Variants in CDC45 observed in about 807,000 individuals in gnomAD.
CDC45 encodes cell division control protein 45 homolog.
In CDC45, 54 loss-of-function variants were observed where a neutral mutation model predicts 77.8. The ratio of observed to expected loss-of-function variants is 0.69; its 90% confidence interval spans 0.56 to 0.87. The LOEUF (loss-of-function observed/expected upper bound fraction) is 0.87, where lower values mean the gene tolerates loss of function less well. CDC45 is among the 40% of genes least tolerant of loss of function. The pLI is 0.00. For synonymous variants in CDC45, 260 were observed against 272.1 expected (o/e 0.96, Z 0.44); for missense variants, 649 against 721.6 (o/e 0.90, Z 1.15).
Position 19,499,086 on chromosome 22 carries a change from C to G in CDC45, c.654-15C>G. 2 of 1,614,086 alleles carry G rather than the reference C, an allele frequency of 1.2e-6. No homozygotes were observed. Among genetic ancestry groups the G allele is most frequent in the Non-Finnish European group, 1.7e-6 (2 of 1,179,928 alleles). ...GTGGGCTATAGGCCGGCTCCACTGC[C>G]TTCTCTTCTTCCAGGTGGGCCATCG... On this transcript the variant is annotated splice_polypyrimidine_tract_variant and intron_variant, in intron 8 of 18. Transcript: ENST00000263201.
chr22:19,507,330 C>G (rs368887809), intron 10 of CDC45, 56 bp from the exon 11 acceptor site: 3 of 1,592,264 alleles, frequency 1.9e-6, no homozygotes, highest in Non-Finnish European at 2.6e-6. Context: ...GCTGGAGTTA[C>G]GAGAGTGCTC....
chr22:19,482,949 C>A, intron 4 of CDC45, 122 bp downstream of exon 4: 49 of 716,450 alleles, frequency 6.8e-5, no homozygotes, highest in Non-Finnish European at 1.0e-4. Flanking sequence ...AGCCTGAACA[C>A]AAGAACTTGG....
At chr22:19,508,168 T>G (rs1284706848) in intron 12 of CDC45, among the ~76,000 whole-genome samples, 2 of 152,170 alleles carry the variant, frequency 1.3e-5, no homozygotes, top group Non-Finnish European at 2.9e-5. Context: ...TCTGTTTCAC[T>G]GGAGACAGCA....
intron 5 of CDC45, among the ~76,000 whole-genome samples, chr22:19,490,505 G>C (rs1400973663): frequency 6.6e-6 from 1 of 152,060 alleles, no homozygotes; most frequent in Non-Finnish European, 1.5e-5. Flanking sequence ...CTCCTGAGTA[G>C]CTGGGACTAC....
At chr22:19,517,075 C>T (rs1053849214) in intron 17 of CDC45, among the ~76,000 whole-genome samples, 182 bp downstream of exon 17, 2 of 152,248 alleles carry the variant, frequency 1.3e-5, no homozygotes, top group Non-Finnish European at 2.9e-5. Flanking sequence ...GAACCTCAGG[C>T]CCCTGAGAGG....
intron 5 of CDC45, among the ~76,000 whole-genome samples, chr22:19,488,066 T>A (rs764057043): frequency 1.3e-5 from 2 of 152,244 alleles, no homozygotes; most frequent in Non-Finnish European, 2.9e-5. Flanking sequence ...TTATACTTAA[T>A]CTACAGGTGC....
chr22:19,507,072 G>A (rs929669545), intron 10 of CDC45, among the ~76,000 whole-genome samples: 2 of 152,200 alleles, frequency 1.3e-5, no homozygotes, highest in East Asian at 1.9e-4. Context: ...AGCTGGTGAC[G>A]CCCAGCCTCC....
At chr22:19,504,475 T>G (rs1443750563) in intron 9 of CDC45, among the ~76,000 whole-genome samples, 2 of 152,168 alleles carry the variant, frequency 1.3e-5, no homozygotes, top group African/African-American at 4.8e-5. Flanking sequence ...AATTTTGTAT[T>G]TGTAATAGAG....
At position 19,510,357 on chromosome 22, in the gene CDC45, C is replaced by T. The variant is rs374240309; in HGVS notation, c.1217+1666C>T. On this transcript the variant is annotated intron_variant, in intron 13 of 18. Transcript: ENST00000263201. ...GCATTTTTGTTGCCCCAGAGAGATC[C>T]TCCCAGCCTCTGGCAACCACCAGTC... 3.9e-5 allele frequency among the ~76,000 whole-genome samples: 6 copies of T among 152,254 alleles called. No homozygotes were observed. The East Asian group carries it at 9.7e-4, about 24-fold the overall frequency.
At chr22:19,519,986 C>T (rs569536276) in intron 18 of CDC45, among the ~76,000 whole-genome samples, 3 of 152,228 alleles carry the variant, frequency 2.0e-5, no homozygotes, top group African/African-American at 4.8e-5. Context: ...TCTCCTTAGA[C>T]GATGAGTGTG....
rs146970551 is a variant in CDC45 at position 19,519,855 on chromosome 22, C to T, written c.*2-626C>T. Among the ~76,000 whole-genome samples the T allele has an allele frequency of 6.9e-3, 1,042 of 152,094 alleles. 11 individuals carry two copies. Among genetic ancestry groups the T allele is most frequent in the African/African-American group, 0.023 (974 of 41,480 alleles). On this transcript the variant is annotated intron_variant, in intron 18 of 18. Transcript: ENST00000263201. ...GGCTACATGGGGCCCATTTTGGGCG[C>T]GGGGCTCTGAGTCAGACCCTCGGGG...
intron 9 of CDC45, among the ~76,000 whole-genome samples, chr22:19,504,159 G>GT (rs1366068079): frequency 1.3e-5 from 2 of 152,240 alleles, no homozygotes; most frequent in African/African-American, 4.8e-5. Context: ...CTGCTGTGCA[G>GT]TAACAGACTT....
At chr22:19,490,755 A>T in intron 5 of CDC45, among the ~76,000 whole-genome samples, 1 of 151,758 alleles carries the variant, frequency 6.6e-6, no homozygotes, top group Non-Finnish European at 1.5e-5. Flanking sequence ...TTATTACATT[A>T]CATATCCATA....
chr22:19,492,680 C>A (rs951465351), intron 5 of CDC45, among the ~76,000 whole-genome samples: 1 of 151,906 alleles, frequency 6.6e-6, no homozygotes, highest in Non-Finnish European at 1.5e-5. Flanking sequence ...TCAAATGAAA[C>A]CAGGAGATTT....
intron 9 of CDC45, among the ~76,000 whole-genome samples, 197 bp downstream of exon 9, chr22:19,499,348 G>T (rs1479397738): frequency 6.6e-6 from 1 of 152,202 alleles, no homozygotes; most frequent in African/African-American, 2.4e-5. Context: ...CCGTGGCCTT[G>T]TGTGGCGTCT....
intron 5 of CDC45, among the ~76,000 whole-genome samples, chr22:19,486,349 A>G (rs1428826497): frequency 6.6e-6 from 1 of 152,248 alleles, no homozygotes; most frequent in Non-Finnish European, 1.5e-5. Context: ...TCCTCAAAAT[A>G]TATTTTGCAG....
chr22:19,517,945 C>T (rs994443033), intron 17 of CDC45, among the ~76,000 whole-genome samples: 6 of 152,244 alleles, frequency 3.9e-5, no homozygotes, highest in African/African-American at 9.6e-5. Flanking sequence ...CTCATCACCA[C>T]GGATTCCTCA....
At chr22:19,515,098 A>G in intron 15 of CDC45, 50 bp downstream of exon 15, 1 of 1,511,854 alleles carries the variant, frequency 6.6e-7, no homozygotes, top group Non-Finnish European at 8.9e-7. Context: ...GTGCTTGGAG[A>G]GCTCCCTGGA....
intron 9 of CDC45, among the ~76,000 whole-genome samples, chr22:19,500,434 G>A (rs149632746): frequency 6.6e-6 from 1 of 152,262 alleles, no homozygotes; most frequent in African/African-American, 2.4e-5. Context: ...CTTCCTCGTA[G>A]CTGCTTGGTG....
Sources: gnomAD v4.1 joint callset for allele counts (sites outside exome capture counted in the v4.1 genomes callset) on GRCh38, gnomAD v4.1.1 for gene constraint, MANE v1.5 for transcripts, NCBI Gene and HGNC (gene_info 2026-07-23, HGNC 2026-07-21) for gene names.